Variants in FHL5 observed in about 807,000 individuals in gnomAD.
FHL5 encodes four and a half LIM domains protein 5.
In FHL5, 33 loss-of-function variants were observed where a neutral mutation model predicts 32.0. That is an observed-to-expected ratio of 1.03 (90% CI 0.78 to 1.38). FHL5 has a LOEUF of 1.38. FHL5 is among the 40% of genes most tolerant of loss of function. FHL5 has a pLI of 0.00. For synonymous variants in FHL5, 114 were observed against 113.6 expected (o/e 1.00, Z -0.02); for missense variants, 336 against 343.9 (o/e 0.98, Z 0.18).
At chr6:96,594,227 TTATATATATATA>T (rs1178680000) in intron 1 of FHL5, among the ~76,000 whole-genome samples, 2,441 of 66,824 alleles carry the variant, frequency 0.037, 50 homozygotes, top group South Asian at 0.11. Context: ...ATATTAGAAT[TTATATATATATA>T]TATATATATA....
At chr6:96,592,049 A>G (rs1174371113) in intron 1 of FHL5, among the ~76,000 whole-genome samples, 1 of 152,140 alleles carries the variant, frequency 6.6e-6, no homozygotes, top group African/African-American at 2.4e-5. Flanking sequence ...GGGCAAAATT[A>G]AAATTGCTAA....
chr6:96,574,092 C>T (rs1365220163), intron 1 of FHL5, among the ~76,000 whole-genome samples: 3 of 151,364 alleles, frequency 2.0e-5, no homozygotes, highest in African/African-American at 7.3e-5. Flanking sequence ...CACTTTTTTT[C>T]CCACTTAGAG....
At chr6:96,567,070 T>C (rs939205826) in intron 1 of FHL5, among the ~76,000 whole-genome samples, 7 of 152,000 alleles carry the variant, frequency 4.6e-5, no homozygotes. Flanking sequence ...CTCACACCAA[T>C]ACCCTGAAGT....
At chr6:96,572,100 T>C (rs1027738499) in intron 1 of FHL5, among the ~76,000 whole-genome samples, 1 of 152,128 alleles carries the variant, frequency 6.6e-6, no homozygotes, top group Non-Finnish European at 1.5e-5. Context: ...CTCAGCTCAG[T>C]TTCTGCTCAG....
intron 1 of FHL5, among the ~76,000 whole-genome samples, chr6:96,588,118 A>G (rs1201390469): frequency 2.0e-5 from 3 of 152,216 alleles, no homozygotes; most frequent in Non-Finnish European, 4.4e-5. Flanking sequence ...TATATGTTCA[A>G]TTTTACAATG....
At chr6:96,587,108 G>A (rs904585927) in intron 1 of FHL5, among the ~76,000 whole-genome samples, 1 of 152,204 alleles carries the variant, frequency 6.6e-6, no homozygotes, top group African/African-American at 2.4e-5. Context: ...TTGACTTTCT[G>A]GAGGGCCAAA....
chr6:96,611,512 T>A (rs1292861677), intron 5 of FHL5, among the ~76,000 whole-genome samples: 1 of 152,222 alleles, frequency 6.6e-6, no homozygotes, highest in East Asian at 1.9e-4. Flanking sequence ...GAAACTAGCA[T>A]GACACTTGAG....
chr6:96,582,291 C>A (rs1038339782), intron 1 of FHL5, among the ~76,000 whole-genome samples: 2 of 151,972 alleles, frequency 1.3e-5, no homozygotes, highest in African/African-American at 2.4e-5. Flanking sequence ...CCTAGATAAT[C>A]CAATTTTATC....
chr6:96,573,882 T>C (rs1450120631), intron 1 of FHL5, among the ~76,000 whole-genome samples: 2 of 152,138 alleles, frequency 1.3e-5, no homozygotes, highest in African/African-American at 2.4e-5. Context: ...ACTCCCATTT[T>C]TTTCAATATT....
intron 5 of FHL5, among the ~76,000 whole-genome samples, chr6:96,614,527 A>G (rs1172780989): frequency 2.6e-5 from 4 of 152,172 alleles, no homozygotes; most frequent in Non-Finnish European, 5.9e-5. Flanking sequence ...TTTAAGAAGA[A>G]TGTATCTGAA....
intron 1 of FHL5, among the ~76,000 whole-genome samples, chr6:96,575,221 C>T (rs1393343424): frequency 6.6e-6 from 1 of 152,138 alleles, no homozygotes; most frequent in Non-Finnish European, 1.5e-5. Flanking sequence ...CACATACATA[C>T]AACAAACAGA....
chr6:96,582,269 G>A (rs145008943), intron 1 of FHL5, among the ~76,000 whole-genome samples: 6 of 152,080 alleles, frequency 3.9e-5, no homozygotes, highest in African/African-American at 1.4e-4. Context: ...TTGGGCTCTG[G>A]TTAGACAGAG....
intron 5 of FHL5, among the ~76,000 whole-genome samples, chr6:96,612,837 A>G (rs958546963): frequency 3.3e-5 from 5 of 152,158 alleles, no homozygotes; most frequent in Admixed American, 2.0e-4. Flanking sequence ...ATTGTTAAAT[A>G]TCTATAGGCC....
chr6:96,596,493 T>C (rs1197231441), intron 1 of FHL5, among the ~76,000 whole-genome samples: 1 of 152,142 alleles, frequency 6.6e-6, no homozygotes, highest in Non-Finnish European at 1.5e-5. Context: ...GTTATTAATA[T>C]ATATTCTCTT....
At chr6:96,613,845 C>T (rs1290772976) in intron 5 of FHL5, among the ~76,000 whole-genome samples, 1 of 152,156 alleles carries the variant, frequency 6.6e-6, no homozygotes, top group Non-Finnish European at 1.5e-5. Context: ...TAATATCTGA[C>T]CCCATGAAGG....
intron 1 of FHL5, among the ~76,000 whole-genome samples, chr6:96,591,507 A>C (rs2127967092): frequency 6.6e-6 from 1 of 152,156 alleles, no homozygotes; most frequent in Non-Finnish European, 1.5e-5. Flanking sequence ...ATGATTAATA[A>C]ATTTAGTTTC....
chr6:96,562,849 A>C (rs560625220), upstream of FHL5: 1 of 152,352 alleles, frequency 6.6e-6, no homozygotes, highest in Non-Finnish European at 1.5e-5. Context: ...CACCACCAGA[A>C]AACAAAGAAA....
At chr6:96,603,833 T>C (rs530726613) in intron 2 of FHL5, 61 bp downstream of exon 2, 1 of 1,352,858 alleles carries the variant, frequency 7.4e-7, no homozygotes, top group Non-Finnish European at 1.0e-6. Context: ...TGGGTTGGAG[T>C]GCCTCTTTTC....
intron 1 of FHL5, among the ~76,000 whole-genome samples, chr6:96,573,442 A>G (rs903196134): frequency 6.6e-6 from 1 of 152,102 alleles, no homozygotes; most frequent in Non-Finnish European, 1.5e-5. Context: ...ATTTATAAAA[A>G]TGATTTCTAG....
Sources: gnomAD v4.1 joint callset for allele counts (sites outside exome capture counted in the v4.1 genomes callset) on GRCh38, gnomAD v4.1.1 for gene constraint, MANE v1.5 for transcripts, NCBI Gene and HGNC (gene_info 2026-07-23, HGNC 2026-07-21) for gene names.